TTLL5: variants seen among roughly 807,000 people sequenced by gnomAD.
The protein encoded by TTLL5 is tubulin polyglutamylase TTLL5.
In TTLL5, 132 loss-of-function variants were observed where a neutral mutation model predicts 168.4. That is an observed-to-expected ratio of 0.78 (90% confidence interval 0.68 to 0.91). The LOEUF is 0.91. TTLL5 is among the 40% of genes least tolerant of loss of function. TTLL5 has a pLI of 0.00. For synonymous variants in TTLL5, 546 were observed against 558.6 expected (o/e 0.98, Z 0.32); for missense variants, 1,545 against 1,581.5 (o/e 0.98, Z 0.39).
At position 75,907,889 on chromosome 14, in the gene TTLL5, A is replaced by C. The variant is rs117790437; in HGVS notation, c.3823+5665A>C. On this transcript the variant is annotated intron_variant, in intron 31 of 31. Transcript: ENST00000298832. ...AAGAACAAATGTGACACCAAGCTCCAAACTAAACTGATGGCCTGCCAAGAA... is the reference window on the plus strand; with the variant it reads ...AAGAACAAATGTGACACCAAGCTCCCAACTAAACTGATGGCCTGCCAAGAA... Among the ~76,000 whole-genome samples, 43 of 152,378 alleles carry C rather than the reference A, an allele frequency of 2.8e-4. 2 individuals carry two copies. In the East Asian group the frequency reaches 8.3e-3, roughly 29 times the overall value.
intron 15 of TTLL5, among the ~76,000 whole-genome samples, chr14:75,738,396 A>G (rs1889041055): frequency 6.6e-6 from 1 of 152,152 alleles, no homozygotes. Context: ...CTCTGATGCA[A>G]TTTCTGGTAA....
At chr14:75,860,249 C>T (rs377204231) in intron 28 of TTLL5, among the ~76,000 whole-genome samples, 61 of 152,304 alleles carry the variant, frequency 4.0e-4, no homozygotes, top group African/African-American at 1.4e-3. Context: ...CTCATATTCA[C>T]ACACCTGCAA....
chr14:75,783,625 T>C, intron 26 of TTLL5, 95 bp downstream of exon 26: 2 of 1,493,926 alleles, frequency 1.3e-6, no homozygotes, highest in Non-Finnish European at 1.8e-6. Context: ...TTTTTTTAAA[T>C]TTTGAAATGG....
At chr14:75,781,190 G>A (rs1456991124) in intron 24 of TTLL5, among the ~76,000 whole-genome samples, 3 of 152,120 alleles carry the variant, frequency 2.0e-5, no homozygotes, top group African/African-American at 7.2e-5. Flanking sequence ...ATGTGGTGGC[G>A]ACATCTTTTA....
intron 31 of TTLL5, among the ~76,000 whole-genome samples, chr14:75,914,032 A>AT (rs1566657953): frequency 1.1e-3 from 130 of 117,514 alleles, no homozygotes; most frequent in African/African-American, 2.2e-3. Flanking sequence ...AAAAAAAAAA[A>AT]AATATATATA....
At chr14:75,776,335 G>A (rs1479570936) in intron 22 of TTLL5, among the ~76,000 whole-genome samples, 1 of 152,188 alleles carries the variant, frequency 6.6e-6, no homozygotes, top group African/African-American at 2.4e-5. Flanking sequence ...AATTTATTCA[G>A]TATGGAAGCT....
At chr14:75,946,584 T>A (rs1476309553) in intron 31 of TTLL5, among the ~76,000 whole-genome samples, 1 of 152,124 alleles carries the variant, frequency 6.6e-6, no homozygotes, top group Non-Finnish European at 1.5e-5. Context: ...ATGCAACAAA[T>A]ATGGACCAAG....
At chr14:75,715,947 C>T (rs968390515) in intron 9 of TTLL5, among the ~76,000 whole-genome samples, 1 of 152,024 alleles carries the variant, frequency 6.6e-6, no homozygotes, top group Non-Finnish European at 1.5e-5. Context: ...CTTGTAGTAA[C>T]TACAAGAGAT....
intron 30 of TTLL5, among the ~76,000 whole-genome samples, chr14:75,889,836 A>G (rs2032303336): frequency 9.9e-6 from 1 of 100,900 alleles, no homozygotes; most frequent in South Asian, 4.0e-4. Context: ...AAAAAAAAAA[A>G]AAAAAAAAGA....
intron 28 of TTLL5, among the ~76,000 whole-genome samples, chr14:75,828,320 C>A (rs375444888): frequency 6.6e-6 from 1 of 152,096 alleles, no homozygotes; most frequent in Non-Finnish European, 1.5e-5. Context: ...TTCTCTTCCT[C>A]CTCCTCCTCG....
intron 31 of TTLL5, among the ~76,000 whole-genome samples, chr14:75,928,198 A>G (rs1353145218): frequency 1.3e-5 from 2 of 151,918 alleles, no homozygotes; most frequent in Admixed American, 6.6e-5. Context: ...CGCCAGGGTC[A>G]TTAGGGAAAG....
intron 29 of TTLL5, among the ~76,000 whole-genome samples, chr14:75,874,962 C>A: frequency 1.3e-5 from 1 of 77,674 alleles, no homozygotes. Context: ...GAGACGGAGT[C>A]TCACTCTGTC....
intron 27 of TTLL5, among the ~76,000 whole-genome samples, chr14:75,803,718 C>T (rs1024857930): frequency 2.0e-5 from 3 of 152,262 alleles, no homozygotes; most frequent in East Asian, 3.9e-4. Context: ...GGAGAAGTGT[C>T]GTGGTGGCCA....
At chr14:75,736,608 T>G (rs904537426) in intron 15 of TTLL5, among the ~76,000 whole-genome samples, 1 of 152,188 alleles carries the variant, frequency 6.6e-6, no homozygotes, top group Non-Finnish European at 1.5e-5. Context: ...TGTTATGAGA[T>G]CTTGCTATTG....
intron 2 of TTLL5, among the ~76,000 whole-genome samples, chr14:75,666,120 A>G (rs1883240995): frequency 6.6e-6 from 1 of 152,098 alleles, no homozygotes; most frequent in Non-Finnish European, 1.5e-5. Flanking sequence ...TATTTTTTAC[A>G]TTAGGAAGCT....
At chr14:75,862,728 C>T (rs1156445931) in intron 28 of TTLL5, among the ~76,000 whole-genome samples, 2 of 151,852 alleles carry the variant, frequency 1.3e-5, no homozygotes. Flanking sequence ...ATCGCTTGAG[C>T]CCAGGAGTTT....
At chr14:75,828,918 CA>C (rs1323380649) in intron 28 of TTLL5, among the ~76,000 whole-genome samples, 5 of 152,258 alleles carry the variant, frequency 3.3e-5, no homozygotes, top group African/African-American at 1.2e-4. Context: ...ATGTTATCCT[CA>C]AAAAGTTAAC....
chr14:75,846,541 A>G (rs535438760), intron 28 of TTLL5, among the ~76,000 whole-genome samples: 1 of 152,350 alleles, frequency 6.6e-6, no homozygotes, highest in East Asian at 1.9e-4. Context: ...CTGTAATCCT[A>G]GCACTTTGGG....
At chr14:75,818,951 A>C (rs931549880) in intron 27 of TTLL5, among the ~76,000 whole-genome samples, 2 of 152,172 alleles carry the variant, frequency 1.3e-5, no homozygotes, top group Non-Finnish European at 2.9e-5. Flanking sequence ...GAGTAAGAAA[A>C]TGGGCTTTGG....
Sources: allele counts gnomAD v4.1 joint callset (sites outside exome capture counted in the v4.1 genomes callset), GRCh38; gene constraint gnomAD v4.1.1; transcripts MANE v1.5; gene names NCBI Gene and HGNC (gene_info 2026-07-23, HGNC 2026-07-21).